The following PRX variants were observed in gnomAD, a reference collection of about 807,000 sequenced individuals.
PRX encodes periaxin.
PRX carries 24 observed loss-of-function variants against 29.6 expected under a neutral mutation model. The observed-to-expected ratio is 0.81, with a 90% CI of 0.59 to 1.14. PRX has a LOEUF of 1.14. Among genes scored for constraint, PRX ranks in the 50% most tolerant of loss-of-function variants. PRX has a pLI of 0.00. For synonymous variants in PRX, 772 were observed against 831.7 expected (o/e 0.93, Z 1.24); for missense variants, 1,838 against 1,926.4 (o/e 0.95, Z 0.86).
rs1261270294 is a variant in PRX at position 40,396,520 on chromosome 19, A to G, written c.1832T>C (p.Met611Thr). 6.2e-7 allele frequency: 1 copy of G among 1,614,098 alleles called. No individual in the cohort carries two copies. The change falls in exon 7 of 7, where the codon ATG becomes ACG. Residue 611 changes from methionine to threonine, a missense_variant. Around this residue, in one of 3 missense-constraint regions of PRX, gnomAD observed 1,143 missense variants for 1,193.0 expected, o/e 0.96. Transcript: ENST00000324001. ...TGGGAGGTGCACATCGGGCACGGCC[A>G]TCTCGGGCACCTTCGGGAGTTGCAC... ...PEVQLPKVPE[M>T]AVPDVHLPEV... is the part of the protein sequence containing the mutation.
At chr19:40,399,899 C>CTTTCTTTCTTTCTTTCTT (rs1471178794) in intron 5 of PRX, among the ~76,000 whole-genome samples, 32 of 67,598 alleles carry the variant, frequency 4.7e-4, no homozygotes, top group African/African-American at 7.1e-4. Flanking sequence ...TTCTTTCTTT[C>CTTTCTTTCTTTCTTTCTT]TTTCTTTTTC....
intron 5 of PRX, among the ~76,000 whole-genome samples, chr19:40,399,422 G>A (rs1358108725): frequency 6.6e-6 from 1 of 152,194 alleles, no homozygotes; most frequent in Non-Finnish European, 1.5e-5. Context: ...ATAGGCAAAA[G>A]GTATTGAGTT....
Position 40,394,793 on chromosome 19 carries a change from C to T in PRX, c.3559G>A (p.Val1187Met). The T allele has an allele frequency of 6.2e-7, 1 of 1,613,660 alleles. No individual in the cohort carries two copies. The highest frequency in any genetic ancestry group is 8.5e-7 in the Non-Finnish European group (1 of 1,180,028). ...GGCAGAGACAGGGTCACCTGGGGCA[C>T]CTGAACCCTGTAGCCTGCTGTGCCC... The part of the protein sequence containing the change: ...AEGTAGYRVQ[V>M]PQVTLSLPGA... Residue 1187 changes from valine to methionine, a missense_variant, in exon 7 of 7, where the codon GTG becomes ATG. This residue lies in a region of PRX where 1,143 missense variants were observed against 1,193.0 expected (regional missense o/e 0.96). Coordinates refer to ENST00000324001, the MANE Select transcript of PRX (RefSeq NM_181882.3). The surrounding 1 kb of genome is among the most constrained non-coding windows in gnomAD (Gnocchi z 5.8).
rs2079512655 is a variant in PRX at position 40,403,766 on chromosome 19, T to C, written c.124A>G (p.Ile42Val). The stretch of plus-strand genomic sequence containing the variant: ...TCCTCGCGCAGCTCCCGAACGAAGA[T>C]TCCCTCTTTGCCGCCGCCCGCTACG... ...INVAGGGKEG[I>V]FVRELREDSP... Residue 42 changes from isoleucine to valine, a missense_variant, in exon 5 of 7, where the codon ATC (isoleucine) becomes GTC (valine). Coordinates refer to ENST00000324001, the MANE Select transcript of PRX (RefSeq NM_181882.3). The C allele has an allele frequency of 6.3e-7, 1 of 1,596,220 alleles. No homozygotes were observed. Among genetic ancestry groups the C allele is most frequent in the Non-Finnish European group, 8.5e-7 (1 of 1,172,794 alleles).
chr19:40,399,880 T>TTTCTTTCC (rs1555801729), intron 5 of PRX, among the ~76,000 whole-genome samples: 1 of 70,546 alleles, frequency 1.4e-5, no homozygotes. Flanking sequence ...TCTTTCTTTC[T>TTTCTTTCC]TTCTTTCTTT....
chr19:40,401,272 T>C (rs942471430), intron 5 of PRX, among the ~76,000 whole-genome samples: 3 of 149,974 alleles, frequency 2.0e-5, no homozygotes, highest in African/African-American at 7.3e-5. Flanking sequence ...AAACCTGCCT[T>C]CATATATTCT....
Position 40,398,853 on chromosome 19 carries a change from C to A in PRX, c.185-37G>T, listed in dbSNP as rs763420257. ...GTGGAGGTGCGCAGCACGTGGGCAT[C>A]TCCCGGCTCCGCCCGGGCCTAGTTC... On this transcript the variant is annotated intron_variant, in intron 5 of 6. Transcript: ENST00000324001. The surrounding 1 kb of genome is among the most constrained non-coding windows in gnomAD (Gnocchi z 6.3). The A allele has an allele frequency of 6.2e-7, 1 of 1,613,498 alleles. No individual in the cohort carries two copies. The highest frequency in any genetic ancestry group is 8.5e-7 in the Non-Finnish European group (1 of 1,179,892).
chr19:40,397,195 A>T lies in PRX; in HGVS notation c.1157T>A (p.Val386Glu), dbSNP rs1599655296. 1 of 1,613,734 alleles carries T rather than the reference A, an allele frequency of 6.2e-7. No individual in the cohort carries two copies. The highest frequency in any genetic ancestry group is 8.5e-7 in the Non-Finnish European group (1 of 1,179,970). The change falls in exon 7 of 7, where the codon GTG (valine) becomes GAG (glutamate). Residue 386 changes from valine to glutamate, a missense_variant. Val to Glu is a moderately radical substitution (Grantham distance 121). This residue lies in a region of PRX where 666 missense variants were observed against 665.0 expected (regional missense o/e 1.00). Coordinates refer to ENST00000324001, the MANE Select transcript of PRX (RefSeq NM_181882.3). ...GGGCATTCGAAGTCTGGGACCTTTC[A>T]CCCTGGCCTCAGGGCTGACCTTGGC... is the stretch of plus-strand genomic sequence containing the variant. The part of the protein sequence containing the change: ...KVAKVSPEAR[V>E]KGPRLRMPTF...
At position 40,396,570 on chromosome 19, in the gene PRX, T is replaced by TTTCATCTCAGGCACCTTTGGAAGC. The variant is rs1260536200; in HGVS notation, c.1758_1781dup (p.Lys589_Pro596dup). On this transcript the variant is annotated inframe_insertion, in exon 7 of 7. Transcript: ENST00000324001. The stretch of plus-strand genomic sequence containing the variant: ...CTTCAGGGAGTTTCATCTCAGGAAG[T>TTTCATCTCAGGCACCTTTGGAAGC]TTCATCTCAGGCACCTTTGGAAGCT... The TTTCATCTCAGGCACCTTTGGAAGC allele has an allele frequency of 1.2e-6, 2 of 1,609,978 alleles. No individual in the cohort carries two copies. The highest frequency in any genetic ancestry group is 1.4e-5 in the African/African-American group (1 of 73,270).
At chr19:40,409,283 C>T (rs981502821) in intron 1 of PRX, among the ~76,000 whole-genome samples, 1 of 151,858 alleles carries the variant, frequency 6.6e-6, no homozygotes, top group African/African-American at 2.4e-5. Flanking sequence ...ATTATAGCCA[C>T]TCCCATGTAC....
In PRX at chr19:40,403,755, C is replaced by T. The variant is rs779875514; in HGVS notation, c.135G>A (p.Arg45=). ...AGGGKEGIFV[R]ELREDSPAAR... is the part of the protein sequence containing the mutation. ...CGGCGGGTGAGTCCTCGCGCAGCTC[C>T]CGAACGAAGATTCCCTCTTTGCCGC... The change falls in exon 5 of 7, where the codon CGG becomes CGA. Residue 45 remains arginine (R), a synonymous_variant. Transcript: ENST00000324001. 5 of 1,586,244 alleles carry T rather than the reference C, an allele frequency of 3.2e-6. No individual in the cohort carries two copies. The highest frequency in any genetic ancestry group is 3.5e-5 in the Admixed American group (2 of 57,088).
chr19:40,397,189 C>G lies in PRX; in HGVS notation c.1163G>C (p.Gly388Ala), dbSNP rs1171052407. ...AAAGGTGGGCATTCGAAGTCTGGGA[C>G]CTTTCACCCTGGCCTCAGGGCTGAC... ...AKVSPEARVK[G>A]PRLRMPTFGL... Residue 388 changes from glycine (G) to alanine (A), a missense_variant, in exon 7 of 7, where the codon GGT becomes GCT. This residue lies in a region of PRX where 666 missense variants were observed against 665.0 expected (regional missense o/e 1.00). Coordinates refer to ENST00000324001, the MANE Select transcript of PRX (RefSeq NM_181882.3). The G allele has an allele frequency of 6.2e-7, 1 of 1,613,966 alleles. No homozygotes were observed. The highest frequency in any genetic ancestry group is 1.7e-5 in the Admixed American group (1 of 60,008).
At chr19:40,399,824 G>A (rs376987617) in intron 5 of PRX, among the ~76,000 whole-genome samples, 9 of 151,154 alleles carry the variant, frequency 6.0e-5, no homozygotes, top group Admixed American at 2.6e-4. Flanking sequence ...TATTACAGGC[G>A]TGAGCCACTA....
intron 4 of PRX, among the ~76,000 whole-genome samples, chr19:40,405,692 T>G (rs1363790464): frequency 7.7e-6 from 1 of 129,902 alleles, no homozygotes; most frequent in Non-Finnish European, 1.5e-5. Context: ...AGGCTGGGAG[T>G]GCAGTGGCAC....
In PRX at chr19:40,396,507, A is replaced by G. The variant is rs761771873; in HGVS notation, c.1845T>C (p.Asp615=). 6 of 1,613,298 alleles carry G rather than the reference A, an allele frequency of 3.7e-6. No individual in the cohort carries two copies. The highest frequency in any genetic ancestry group is 1.3e-5 in the African/African-American group (1 of 74,682). ...LPKVPEMAVP[D]VHLPEVQLPK... The stretch of plus-strand genomic sequence containing the variant: ...GAAGCTGCACTTCTGGGAGGTGCAC[A>G]TCGGGCACGGCCATCTCGGGCACCT... The change falls in exon 7 of 7, where the codon GAT becomes GAC. Residue 615 remains aspartate, a synonymous_variant. Coordinates refer to ENST00000324001, the MANE Select transcript of PRX (RefSeq NM_181882.3).
rs2079541244 is a variant in PRX, at chr19:40,408,184, C to T, written c.-126G>A. On this transcript the variant is annotated 5_prime_UTR_variant, in exon 3 of 7. Coordinates refer to ENST00000324001, the MANE Select transcript of PRX (RefSeq NM_181882.3). The stretch of plus-strand genomic sequence containing the variant: ...GCTGCCTGGGTGCAGGCACTTCCTC[C>T]TAACAGGAGCCCAGCCCGAGGTGCC... 2 of 592,832 alleles carry T rather than the reference C, an allele frequency of 3.4e-6. No homozygotes were observed. The highest frequency in any genetic ancestry group is 5.9e-5 in the Admixed American group (2 of 34,114). The allele number at this position is 592,832 out of a possible 1,614,324, so 36.7% of individuals were successfully genotyped here.
rs1486015398 is a variant in PRX, at chr19:40,398,864, G to A, written c.185-48C>T. On this transcript the variant is annotated intron_variant, in intron 5 of 6. Transcript: ENST00000324001. This position sits in a 1 kb window ranked among gnomAD's most constrained non-coding sequence, Gnocchi z 6.3. ...CAGCACGTGGGCATCTCCCGGCTCC[G>A]CCCGGGCCTAGTTCTGCCCACTTGC... 6.2e-7 allele frequency: 1 copy of A among 1,612,798 alleles called. No homozygotes were observed. The highest frequency in any genetic ancestry group is 8.5e-7 in the Non-Finnish European group (1 of 1,179,698).
chr19:40,403,756 C>G lies in PRX; in HGVS notation c.134G>C (p.Arg45Pro), dbSNP rs751441856. Residue 45 changes from arginine to proline, a missense_variant, in exon 5 of 7, where the codon CGG becomes CCG. By Grantham distance (103) the Arg-to-Pro change is moderately radical. Coordinates refer to ENST00000324001, the MANE Select transcript of PRX (RefSeq NM_181882.3). ...AGGGKEGIFV[R>P]ELREDSPAAR... is the part of the protein sequence containing the mutation. ...GGCGGGTGAGTCCTCGCGCAGCTCC[C>G]GAACGAAGATTCCCTCTTTGCCGCC... The G allele has an allele frequency of 1.9e-6, 3 of 1,586,792 alleles. No homozygotes were observed. Among genetic ancestry groups the G allele is most frequent in the African/African-American group, 2.7e-5 (2 of 74,002 alleles).
rs774364484 is a variant in PRX, at chr19:40,398,656, G to A, written c.345C>T (p.Tyr115=). 6.8e-6 allele frequency: 11 copies of A among 1,613,752 alleles called. No homozygotes were observed. The highest frequency in any genetic ancestry group is 2.2e-5 in the South Asian group (2 of 91,088). The change falls in exon 6 of 7, where the codon TAC becomes TAT. Residue 115 remains tyrosine (Y), a synonymous_variant. Transcript: ENST00000324001. This position sits in a 1 kb window ranked among gnomAD's most constrained non-coding sequence, Gnocchi z 6.3. The part of the protein sequence containing the change: ...LALRPGTVSG[Y]EIKGPRAKVA... Reference sequence around the variant, plus strand: ...CCTTGGCCCGCGGGCCCTTGATCTCGTAGCCAGACACGGTCCCGGGCCGCA... The same window carrying A: ...CCTTGGCCCGCGGGCCCTTGATCTCATAGCCAGACACGGTCCCGGGCCGCA...
Sources: allele counts gnomAD v4.1 joint callset (sites outside exome capture counted in the v4.1 genomes callset), GRCh38; gene constraint gnomAD v4.1.1; regional missense constraint gnomAD v4.1.1; non-coding constraint Gnocchi (gnomAD v3.1); transcripts MANE v1.5; gene names NCBI Gene and HGNC (gene_info 2026-07-23, HGNC 2026-07-21).